PDIA6: variants seen among roughly 807,000 people sequenced by gnomAD.
PDIA6 encodes protein disulfide-isomerase A6.
A neutral mutation model predicts 58.4 loss-of-function variants in PDIA6; 29 were observed. The ratio of observed to expected loss-of-function variants is 0.50; its 90% CI spans 0.37 to 0.68. PDIA6 has a LOEUF of 0.68. Ranked by LOEUF, PDIA6 falls within the 30% of genes least tolerant of loss-of-function variation. The probability of loss-of-function intolerance (pLI) is 0.00; values close to 1 mark genes in which losing one functional copy is unlikely to be tolerated. For synonymous variants in PDIA6, 192 were observed against 202.6 expected (o/e 0.95, Z 0.44); for missense variants, 480 against 551.0 (o/e 0.87, Z 1.29).
At chr2:10,787,516 CA>C (rs1237929144) in intron 10 of PDIA6, 77 bp from the exon 11 acceptor site, 2 of 1,259,192 alleles carry the variant, frequency 1.6e-6, no homozygotes, top group African/African-American at 3.0e-5. Flanking sequence ...TCTTAGAGAA[CA>C]AAAGATCACG....
chr2:10,812,364 C>T (rs1320921546), intron 1 of PDIA6, among the ~76,000 whole-genome samples: 6 of 152,120 alleles, frequency 3.9e-5, no homozygotes, highest in Middle Eastern at 3.4e-3. Context: ...AGACCCCCTC[C>T]CCGGGATCCG....
At chr2:10,822,306 A>C (rs1401594909) in intron 1 of PDIA6, among the ~76,000 whole-genome samples, 1 of 151,962 alleles carries the variant, frequency 6.6e-6, no homozygotes, top group Non-Finnish European at 1.5e-5. Context: ...TGTGTTGCCC[A>C]GGCTGGAGTG....
chr2:10,799,659 G>A lies in PDIA6; in HGVS notation c.162-1902C>T, dbSNP rs34426581. On this transcript the variant is annotated intron_variant, in intron 2 of 12. Transcript: ENST00000272227. ...TACATACAGTATGTTTTGTTGTTTA[G>A]GTGAGATACTAAAAAATTCAGAAGT... is the stretch of plus-strand genomic sequence containing the variant. Among the ~76,000 whole-genome samples, 558 of 152,260 alleles carry A rather than the reference G, an allele frequency of 3.7e-3. 2 individuals are homozygous for A. Among genetic ancestry groups the A allele is most frequent in the Middle Eastern group, 0.014 (4 of 294 alleles).
At chr2:10,797,309 C>G (rs1666308558) in intron 3 of PDIA6, 102 bp from the exon 4 acceptor site, 1 of 1,195,934 alleles carries the variant, frequency 8.4e-7, no homozygotes, top group South Asian at 1.5e-5. Context: ...GGTAATAAAG[C>G]ACAGGGTGCA....
chr2:10,797,349 C>T, intron 3 of PDIA6, 142 bp from the exon 4 acceptor site: 1 of 731,358 alleles, frequency 1.4e-6, no homozygotes, highest in Non-Finnish European at 2.2e-6. Flanking sequence ...GGGCTTTAGC[C>T]TTGAACACCA....
Position 10,784,174 on chromosome 2 carries a change from G to A in PDIA6, c.*84C>T, listed in dbSNP as rs1665577316. On this transcript the variant is annotated 3_prime_UTR_variant, in exon 13 of 13. Coordinates refer to ENST00000272227, the MANE Select transcript of PDIA6 (RefSeq NM_005742.4). ...TAAAAGGCCACTGGTAGAGTCATCT[G>A]AGTGTAGAGAATGTCCCTTCACTGC... is the stretch of plus-strand genomic sequence containing the variant. 8.2e-6 allele frequency: 8 copies of A among 979,904 alleles called. No individual in the cohort carries two copies. The East Asian group carries it at 1.9e-4, about 24-fold the overall frequency. 60.7% of individuals were successfully genotyped at this position (979,904 alleles called of 1,614,324 possible). A position where few individuals can be genotyped will look rare whatever the true frequency, so the allele number is the denominator to read the frequency against.
At chr2:10,797,539 C>A (rs1181214954) in intron 3 of PDIA6, among the ~76,000 whole-genome samples, 161 bp downstream of exon 3, 1 of 152,152 alleles carries the variant, frequency 6.6e-6, no homozygotes, top group Non-Finnish European at 1.5e-5. Flanking sequence ...ATTTTGACAA[C>A]AGAACCAGTA....
Position 10,799,867 on chromosome 2 carries a change from G to A in PDIA6, c.162-2110C>T, listed in dbSNP as rs558512223. On this transcript the variant is annotated intron_variant, in intron 2 of 12. Coordinates refer to ENST00000272227, the MANE Select transcript of PDIA6 (RefSeq NM_005742.4). The stretch of plus-strand genomic sequence containing the variant: ...TGCAACTGGGGTCCAGACTCCCAAA[G>A]GGCTGGTGGATAAAAATTTTGGGAA... Among the ~76,000 whole-genome samples, 10 of 149,842 alleles carry A rather than the reference G, an allele frequency of 6.7e-5. No individual in the cohort carries two copies. The East Asian group carries it at 2.0e-3, about 29-fold the overall frequency.
chr2:10,799,361 T>C (rs1292716947), intron 2 of PDIA6, among the ~76,000 whole-genome samples: 4 of 152,228 alleles, frequency 2.6e-5, no homozygotes, highest in Non-Finnish European at 4.4e-5. Context: ...AAAACACTTA[T>C]AGATGACTTC....
At chr2:10,832,650 G>A (rs915806993), upstream of PDIA6, among the ~76,000 whole-genome samples, 1 of 152,230 alleles carries the variant, frequency 6.6e-6, no homozygotes, top group Non-Finnish European at 1.5e-5. Context: ...CGGGGCTGTG[G>A]TGGACCGAAG....
At chr2:10,793,779 G>A (rs570949783) in intron 4 of PDIA6, among the ~76,000 whole-genome samples, 73 of 152,300 alleles carry the variant, frequency 4.8e-4, no homozygotes, top group Non-Finnish European at 7.9e-4. Flanking sequence ...TGAATAAGAA[G>A]CTTAATATCT....
In PDIA6 at chr2:10,788,682, A is replaced by C. The variant is rs1665894715; in HGVS notation, c.998+15T>G. 1 of 1,572,530 alleles carries C rather than the reference A, an allele frequency of 6.4e-7. No homozygotes were observed. Among genetic ancestry groups the C allele is most frequent in the African/African-American group, 1.3e-5 (1 of 74,210 alleles). On this transcript the variant is annotated intron_variant, in intron 10 of 12. Coordinates refer to ENST00000272227, the MANE Select transcript of PDIA6 (RefSeq NM_005742.4). Reference sequence around the variant, plus strand: ...CTGTTCAGATGACACTCAGACAGTAAGCTCAGTAACTTACCCCCACATTTT... The same window carrying C: ...CTGTTCAGATGACACTCAGACAGTACGCTCAGTAACTTACCCCCACATTTT...
chr2:10,812,601 C>A, intron 1 of PDIA6, 77 bp downstream of exon 1: 2 of 1,383,574 alleles, frequency 1.4e-6, no homozygotes, highest in Non-Finnish European at 9.5e-7. Context: ...CGCGGCCCGC[C>A]GGGGAACGGC....
intron 12 of PDIA6, 47 bp downstream of exon 12, chr2:10,784,887 A>G (rs934656495): frequency 7.5e-7 from 1 of 1,335,584 alleles, no homozygotes. Context: ...GGCTCAAGAG[A>G]GTAAACCAGG....
intron 1 of PDIA6, among the ~76,000 whole-genome samples, chr2:10,820,084 G>T (rs528050745): frequency 1.3e-5 from 2 of 152,338 alleles, no homozygotes; most frequent in East Asian, 3.9e-4. Context: ...TGGCCTCATT[G>T]TCTGGGGTAA....
intron 11 of PDIA6, 123 bp downstream of exon 11, chr2:10,787,158 G>A: frequency 3.6e-6 from 3 of 826,540 alleles, no homozygotes; most frequent in South Asian, 1.6e-5. Flanking sequence ...CAATTCTCTG[G>A]AATTAGTTTG....
chr2:10,789,973 A>C, intron 7 of PDIA6, 84 bp from the exon 8 acceptor site: 1 of 1,240,164 alleles, frequency 8.1e-7, no homozygotes, highest in Non-Finnish European at 1.1e-6. Flanking sequence ...AAACCACCTT[A>C]TAGGTAATTT....
At chr2:10,794,405 C>T (rs4414652) in intron 4 of PDIA6, among the ~76,000 whole-genome samples, 72,956 of 148,602 alleles carry the variant, frequency 0.49, 19,391 homozygotes, top group Middle Eastern at 0.59. Flanking sequence ...GACATCGCGC[C>T]ACTGCACTCC....
rs1387775823 is a variant in PDIA6 at position 10,784,965 on chromosome 2, T to C, written c.1223A>G (p.Glu408Gly). ...VGGGAFPTIV[E>G]REPWDGRDGE... ...ATCCCTGCCGTCCCAAGGCTCTCTC[T>C]CAACGATGGTAGGGAAAGCCCCGCC... The change falls in exon 12 of 13, where the codon GAG becomes GGG. Residue 408 changes from glutamate to glycine, a missense_variant. Coordinates refer to ENST00000272227, the MANE Select transcript of PDIA6 (RefSeq NM_005742.4). The C allele has an allele frequency of 4.4e-6, 7 of 1,592,090 alleles. No individual in the cohort carries two copies. Among genetic ancestry groups the C allele is most frequent in the East Asian group, 2.3e-5 (1 of 44,122 alleles).
Sources: allele counts gnomAD v4.1 joint callset (sites outside exome capture counted in the v4.1 genomes callset), GRCh38; gene constraint gnomAD v4.1.1; transcripts MANE v1.5; gene names NCBI Gene and HGNC (gene_info 2026-07-23, HGNC 2026-07-21).